ZWILCH: variants seen among roughly 807,000 people sequenced by gnomAD.
The protein encoded by ZWILCH is zwilch kinetochore protein, also known as protein zwilch homolog.
ZWILCH carries 74 observed loss-of-function variants against 79.9 expected under a neutral mutation model. The ratio of observed to expected loss-of-function variants is 0.93; its 90% confidence interval spans 0.77 to 1.12. ZWILCH has a LOEUF of 1.12. Among genes scored for constraint, ZWILCH ranks in the 50% most tolerant of loss-of-function variants. ZWILCH has a pLI of 0.00. For missense variants in ZWILCH, 694 were observed against 687.5 expected (o/e 1.01, Z -0.11); for synonymous variants, 241 against 228.2 (o/e 1.06, Z -0.51).
rs1161719182 is a variant in ZWILCH, at chr15:66,517,726, C to CTTTT, written c.321-1130_321-1127dup. 3.4e-4 allele frequency among the ~76,000 whole-genome samples: 20 copies of CTTTT among 58,274 alleles called. 4 individuals are homozygous for CTTTT. Among genetic ancestry groups the CTTTT allele is most frequent in the African/African-American group, 1.1e-3 (15 of 13,816 alleles). The allele number at this position is 58,274 out of a possible 152,430, so 38.2% of individuals were successfully genotyped here. A position where few individuals can be genotyped will look rare whatever the true frequency, so the allele number is the denominator to read the frequency against. On this transcript the variant is annotated intron_variant, in intron 4 of 18. Coordinates refer to ENST00000307897, the MANE Select transcript of ZWILCH (RefSeq NM_017975.5). ...GGGTCCTACTTCTTTCTTTTCTTTC[C>CTTTT]TTTTTTTTTTTTTTTTTTTTTTTTT...
At chr15:66,515,396 C>A in intron 3 of ZWILCH, 130 bp from the exon 4 acceptor site, 1 of 633,770 alleles carries the variant, frequency 1.6e-6, no homozygotes, top group Non-Finnish European at 2.6e-6. Context: ...AAAACCCAAT[C>A]ATTTGTGCTT....
rs755220575 is a variant in ZWILCH at position 66,535,949 on chromosome 15, C to T, written c.1358C>T (p.Pro453Leu). 9.4e-6 allele frequency: 15 copies of T among 1,603,634 alleles called. No homozygotes were observed. Among genetic ancestry groups the T allele is most frequent in the Non-Finnish European group, 1.2e-5 (14 of 1,177,194 alleles). ...TCATTCCAGGAATACTTCATTGCTCCATCAGTAGATATACAAGAACAGGTT... is the reference window on the plus strand; with the variant it reads ...TCATTCCAGGAATACTTCATTGCTCTATCAGTAGATATACAAGAACAGGTT... ...SLNHLEYFIAPSVDIQEQVYR... is the reference protein window; with the variant it reads ...SLNHLEYFIALSVDIQEQVYR... The change falls in exon 15 of 19, where the codon CCA becomes CTA. Residue 453 changes from proline to leucine, a missense_variant. Transcript: ENST00000307897.
intron 16 of ZWILCH, among the ~76,000 whole-genome samples, chr15:66,539,048 C>T (rs749148368): frequency 1.1e-4 from 17 of 152,170 alleles, no homozygotes; most frequent in Non-Finnish European, 2.1e-4. Context: ...AGTAGCAGTT[C>T]AAACTCTAAA....
intron 10 of ZWILCH, among the ~76,000 whole-genome samples, chr15:66,528,435 A>G (rs1264620978): frequency 6.6e-6 from 1 of 152,208 alleles, no homozygotes; most frequent in African/African-American, 2.4e-5. Context: ...GAGAACTGGT[A>G]TATATGTATT....
At chr15:66,507,952 A>C (rs2140730957) in intron 1 of ZWILCH, among the ~76,000 whole-genome samples, 1 of 152,134 alleles carries the variant, frequency 6.6e-6, no homozygotes, top group East Asian at 1.9e-4. Flanking sequence ...AAAAAAAAAA[A>C]AAAGACTGAT....
rs774706792 is a variant in ZWILCH, at chr15:66,521,079, G to T, written c.621G>T (p.Glu207Asp). Reference protein sequence around the residue: ...TVTSKGFAQYELFKSSALDDT... With the variant: ...TVTSKGFAQYDLFKSSALDDT... The stretch of plus-strand genomic sequence containing the variant: ...CATCCAAAGGCTTTGCCCAGTATGA[G>T]CTCTTTAAGTCCTCTGCCTTGGATG... The change falls in exon 7 of 19, where the codon GAG becomes GAT. Residue 207 changes from glutamate to aspartate, a missense_variant. By Grantham distance (45) the Glu-to-Asp change is conservative. Coordinates refer to ENST00000307897, the MANE Select transcript of ZWILCH (RefSeq NM_017975.5). 6.2e-7 allele frequency: 1 copy of T among 1,614,138 alleles called. No homozygotes were observed. The highest frequency in any genetic ancestry group is 1.1e-5 in the South Asian group (1 of 91,084).
chr15:66,508,339 T>C (rs888521315), intron 1 of ZWILCH, among the ~76,000 whole-genome samples: 4 of 152,238 alleles, frequency 2.6e-5, no homozygotes, highest in African/African-American at 9.6e-5. Flanking sequence ...TCAAATTTAC[T>C]GACTTTGAGT....
chr15:66,529,578 G>T lies in ZWILCH; in HGVS notation c.1155+5G>T. On this transcript the variant is annotated splice_donor_5th_base_variant and intron_variant, in intron 12 of 18. Coordinates refer to ENST00000307897, the MANE Select transcript of ZWILCH (RefSeq NM_017975.5). ...CGTGGTGATATACAGCCATGGGTAGGTTTAGTAGTGTGTGTCAGATCATTT... is the reference window on the plus strand; with the variant it reads ...CGTGGTGATATACAGCCATGGGTAGTTTTAGTAGTGTGTGTCAGATCATTT... 1 of 1,607,828 alleles carries T rather than the reference G, an allele frequency of 6.2e-7. No homozygotes were observed. The highest frequency in any genetic ancestry group is 1.7e-4 in the Middle Eastern group (1 of 6,054).
intron 2 of ZWILCH, 26 bp downstream of exon 2, chr15:66,508,918 C>G (rs371718257): frequency 6.2e-6 from 10 of 1,609,134 alleles, no homozygotes; most frequent in Non-Finnish European, 8.5e-7. Context: ...TTTTTAAACA[C>G]AACTCTAATC....
chr15:66,542,045 T>G (rs1012503292), intron 17 of ZWILCH, among the ~76,000 whole-genome samples: 1 of 152,206 alleles, frequency 6.6e-6, no homozygotes, highest in East Asian at 1.9e-4. Flanking sequence ...ATTGTGCTGT[T>G]TTTTTCTAAG....
intron 8 of ZWILCH, among the ~76,000 whole-genome samples, chr15:66,526,323 G>A (rs1361922244): frequency 1.3e-5 from 2 of 152,098 alleles, no homozygotes; most frequent in East Asian, 1.9e-4. Context: ...CTTCATAGTC[G>A]CTTTTTCTAC....
intron 4 of ZWILCH, among the ~76,000 whole-genome samples, chr15:66,517,455 T>TATATATATATATATATATAGAGAGAGAG (rs1180456312): frequency 1.4e-4 from 16 of 115,200 alleles, no homozygotes; most frequent in Admixed American, 4.9e-4. Context: ...TATATATATA[T>TATATATATATATATATATAGAGAGAGAG]AGTAATGTAC....
chr15:66,542,151 A>T (rs1292909893), intron 17 of ZWILCH, among the ~76,000 whole-genome samples: 1 of 152,206 alleles, frequency 6.6e-6, no homozygotes, highest in African/African-American at 2.4e-5. Context: ...TAAACTAGGA[A>T]AAGAAATTTG....
chr15:66,506,940 T>C (rs1327612345), intron 1 of ZWILCH, among the ~76,000 whole-genome samples: 1 of 150,956 alleles, frequency 6.6e-6, no homozygotes, highest in East Asian at 2.0e-4. Context: ...CACTGCAACC[T>C]CTGCCTCCCG....
At chr15:66,532,786 G>T (rs967041382) in intron 13 of ZWILCH, among the ~76,000 whole-genome samples, 199 bp from the exon 14 acceptor site, 58 of 151,798 alleles carry the variant, frequency 3.8e-4, no homozygotes, top group African/African-American at 1.2e-3. Flanking sequence ...GGTATAATAT[G>T]CCAGGAAACT....
At position 66,527,329 on chromosome 15, in the gene ZWILCH, C is replaced by T. The variant is rs540165637; in HGVS notation, c.859C>T (p.Leu287Phe). ...DGLRTGVTEW[L>F]EPLEAKSAVE... ...TTTGAGGACTGGTGTCACTGAATGG[C>T]TCGAGCCCCTGGAAGCAAAATCTGC... Residue 287 changes from leucine to phenylalanine, a missense_variant, in exon 9 of 19, where the codon CTC becomes TTC. Physicochemically the swap from Leu to Phe is conservative, Grantham distance 22 (BLOSUM62 0). Coordinates refer to ENST00000307897, the MANE Select transcript of ZWILCH (RefSeq NM_017975.5). 13 of 1,614,082 alleles carry T rather than the reference C, an allele frequency of 8.1e-6. No homozygotes were observed. The Admixed American group carries it at 1.0e-4, about 12-fold the overall frequency.
chr15:66,532,961 C>CA (rs1258087041), intron 13 of ZWILCH, 24 bp from the exon 14 acceptor site: 2 of 1,519,636 alleles, frequency 1.3e-6, no homozygotes, highest in African/African-American at 2.8e-5. Flanking sequence ...AGTGTTTTTG[C>CA]ATGTATGTGT....
chr15:66,537,576 A>G lies in ZWILCH; in HGVS notation c.1574+313A>G, dbSNP rs147822528. On this transcript the variant is annotated intron_variant, in intron 16 of 18. Transcript: ENST00000307897. Reference sequence around the variant, plus strand: ...CATGGTGGCATGCACCTATAATCCCAGCTACTCGGGAGGCTGAGGCAGGAG... The same window carrying G: ...CATGGTGGCATGCACCTATAATCCCGGCTACTCGGGAGGCTGAGGCAGGAG... Among the ~76,000 whole-genome samples the G allele has an allele frequency of 3.8e-3, 584 of 152,142 alleles. 3 individuals carry two copies. The highest frequency in any genetic ancestry group is 0.013 in the African/African-American group (558 of 41,504).
At chr15:66,522,122 C>T (rs564618042) in intron 7 of ZWILCH, among the ~76,000 whole-genome samples, 4 of 151,884 alleles carry the variant, frequency 2.6e-5, no homozygotes, top group South Asian at 4.2e-4. Context: ...CGCTTGAACC[C>T]GGGAGGCAGA....
Sources: gnomAD v4.1 joint callset for allele counts (sites outside exome capture counted in the v4.1 genomes callset) on GRCh38, gnomAD v4.1.1 for gene constraint, MANE v1.5 for transcripts, NCBI Gene and HGNC (gene_info 2026-07-23, HGNC 2026-07-21) for gene names.